The following GTF3C4 variants were observed in gnomAD, a reference collection of about 807,000 sequenced individuals.
GTF3C4 encodes the protein general transcription factor IIIC subunit 4.
Under a neutral mutation model 67.5 loss-of-function variants are expected in GTF3C4, and 28 were observed. The ratio of observed to expected loss-of-function variants is 0.41; its 90% confidence interval spans 0.31 to 0.57. GTF3C4 has a LOEUF of 0.57. GTF3C4 is among the 20% of genes least tolerant of loss of function. GTF3C4 has a pLI of 0.21. For missense variants in GTF3C4, 831 were observed against 1,033.2 expected (o/e 0.80, Z 2.68); for synonymous variants, 409 against 393.0 (o/e 1.04, Z -0.48).
At chr9:132,683,232 C>T (rs1835975526) in intron 2 of GTF3C4, among the ~76,000 whole-genome samples, 1 of 152,130 alleles carries the variant, frequency 6.6e-6, no homozygotes, top group South Asian at 2.1e-4. Flanking sequence ...ACTCTGAAAT[C>T]CTTGTTTCAG....
At chr9:132,680,487 C>T (rs1199048630) in intron 2 of GTF3C4, among the ~76,000 whole-genome samples, 1 of 152,210 alleles carries the variant, frequency 6.6e-6, no homozygotes, top group East Asian at 1.9e-4. Flanking sequence ...ATCTTTCTTG[C>T]AGCTAACAGT....
intron 1 of GTF3C4, among the ~76,000 whole-genome samples, chr9:132,673,494 G>A (rs1451465672): frequency 6.6e-6 from 1 of 151,554 alleles, no homozygotes; most frequent in African/African-American, 2.4e-5. Flanking sequence ...GTGAATGAAT[G>A]CTGAGTTGAC....
rs922054325 is a variant in GTF3C4 at position 132,689,284 on chromosome 9, A to G, written c.*339A>G. The G allele has an allele frequency of 1.8e-5, 5 of 284,608 alleles. No individual in the cohort carries two copies. Among genetic ancestry groups the G allele is most frequent in the Non-Finnish European group, 3.5e-5 (5 of 142,896 alleles). 17.6% of individuals were successfully genotyped at this position (284,608 alleles called of 1,614,324 possible). Reference sequence around the variant, plus strand: ...GTGTCCCGTCATTTCTAGAAACAGAATGGTCTCTTCTAGAGAGCTTGGATA... The same window carrying G: ...GTGTCCCGTCATTTCTAGAAACAGAGTGGTCTCTTCTAGAGAGCTTGGATA... On this transcript the variant is annotated 3_prime_UTR_variant, in exon 5 of 5. Transcript: ENST00000372146.
At chr9:132,687,144 GT>G in intron 3 of GTF3C4, 94 bp from the exon 4 acceptor site, 2 of 785,806 alleles carry the variant, frequency 2.5e-6, no homozygotes, top group South Asian at 2.8e-5. Flanking sequence ...TTAATGTGTG[GT>G]TTTATGATAA....
chr9:132,680,619 T>A (rs1259581072), intron 2 of GTF3C4, among the ~76,000 whole-genome samples: 1 of 152,242 alleles, frequency 6.6e-6, no homozygotes, highest in African/African-American at 2.4e-5. Context: ...AAGTCTTATT[T>A]AAAGTATTAA....
At chr9:132,677,878 G>A in intron 1 of GTF3C4, 99 bp from the exon 2 acceptor site, 2 of 930,492 alleles carry the variant, frequency 2.1e-6, no homozygotes, top group Admixed American at 2.3e-5. Flanking sequence ...AAGAATATGG[G>A]AACCAGGCTA....
rs1283975422 is a variant in GTF3C4 at position 132,678,565 on chromosome 9, T to G, written c.946T>G (p.Leu316Val). The change falls in exon 2 of 5, where the codon TTG (leucine) becomes GTG (valine). Residue 316 changes from leucine (L) to valine (V), a missense_variant. Physicochemically the swap from Leu to Val is conservative, Grantham distance 32. Coordinates refer to ENST00000372146, the MANE Select transcript of GTF3C4 (RefSeq NM_012204.4). The surrounding 1 kb of genome is among the most constrained non-coding windows in gnomAD (Gnocchi z 6.5). ...IESGITSPSV[L>V]FWWEYEHNNR... ...GTCAGGAATCACCTCTCCCAGTGTA[T>G]TGTTTTGGTGGGAATATGAGCACAA... 6.2e-7 allele frequency: 1 copy of G among 1,614,160 alleles called. No individual in the cohort carries two copies. Among genetic ancestry groups the G allele is most frequent in the Non-Finnish European group, 8.5e-7 (1 of 1,179,992 alleles).
At position 132,678,515 on chromosome 9, in the gene GTF3C4, C is replaced by T; in HGVS notation, c.896C>T (p.Ser299Phe). 1.2e-6 allele frequency: 2 copies of T among 1,614,052 alleles called. No individual in the cohort carries two copies. Among genetic ancestry groups the T allele is most frequent in the South Asian group, 2.2e-5 (2 of 91,076 alleles). ...QFQLPFVGKE[S>F]ISSCNTIESG... Reference sequence around the variant, plus strand: ...CAGCTGCCGTTTGTAGGAAAAGAATCCATCTCTTCATGCAACACAATTGAG... The same window carrying T: ...CAGCTGCCGTTTGTAGGAAAAGAATTCATCTCTTCATGCAACACAATTGAG... The change falls in exon 2 of 5, where the codon TCC (serine) becomes TTC (phenylalanine). Residue 299 changes from serine (S) to phenylalanine (F), a missense_variant. Ser to Phe is a radical substitution (Grantham distance 155). Transcript: ENST00000372146. This position sits in a 1 kb window ranked among gnomAD's most constrained non-coding sequence, Gnocchi z 6.5.
In GTF3C4 at chr9:132,679,174, G is replaced by GA; in HGVS notation, c.1557dup (p.Glu520ArgfsTer16). On this transcript the variant is annotated frameshift_variant, in exon 2 of 5. Coordinates refer to ENST00000372146, the MANE Select transcript of GTF3C4 (RefSeq NM_012204.4). LOFTEE classifies it high-confidence loss of function. This position sits in a 1 kb window ranked among gnomAD's most constrained non-coding sequence, Gnocchi z 5.9. ...CCAATTTGTTACTCTCAAAACCTTTGAAGAGGCAGCTGCTCAGCTCCTGGA... is the reference window on the plus strand; with the variant it reads ...CCAATTTGTTACTCTCAAAACCTTTGAAAGAGGCAGCTGCTCAGCTCCTGGA... The GA allele has an allele frequency of 6.2e-7, 1 of 1,614,148 alleles. No individual in the cohort carries two copies.
intron 1 of GTF3C4, among the ~76,000 whole-genome samples, chr9:132,674,794 C>T (rs1590132497): frequency 1.3e-5 from 2 of 152,340 alleles, no homozygotes; most frequent in East Asian, 3.9e-4. Context: ...CTTTGGAAGG[C>T]CAAGGCCGGA....
rs746642964 is a variant in GTF3C4, at chr9:132,694,030, C to T, written c.*5085C>T. ...TTTTTGAAATAAACAGAACAGTCATCTAAAAACATAAGGTTTTGGAAAGGA... is the reference window on the plus strand; with the variant it reads ...TTTTTGAAATAAACAGAACAGTCATTTAAAAACATAAGGTTTTGGAAAGGA... On this transcript the variant is annotated 3_prime_UTR_variant, in exon 5 of 5. Coordinates refer to ENST00000372146, the MANE Select transcript of GTF3C4 (RefSeq NM_012204.4). The T allele has an allele frequency of 6.6e-6, 1 of 151,824 alleles. No homozygotes were observed. The highest frequency in any genetic ancestry group is 2.4e-5 in the African/African-American group (1 of 41,388). The allele number at this position is 151,824 out of a possible 1,614,324, so 9.4% of individuals were successfully genotyped here.
rs1564356112 is a variant in GTF3C4, at chr9:132,679,636, C to T, written c.2017C>T (p.Gln673Ter). 6.2e-7 allele frequency: 1 copy of T among 1,614,076 alleles called. No individual in the cohort carries two copies. Among genetic ancestry groups the T allele is most frequent in the African/African-American group, 1.3e-5 (1 of 74,988 alleles). ...AATGGAAGAGAAACTCCTGGAAATC[C>T]AAGGGAAAATCGAAGCTGTGGAGAT... The part of the protein sequence containing the change: ...EPMEEKLLEI[Q>*]GKIEAVEMHL... Residue 673 changes from glutamine to a stop codon, truncating the protein, a stop_gained, in exon 2 of 5, where the codon CAA (glutamine) becomes TAA (stop). Coordinates refer to ENST00000372146, the MANE Select transcript of GTF3C4 (RefSeq NM_012204.4). LOFTEE classifies it high-confidence loss of function. This position sits in a 1 kb window ranked among gnomAD's most constrained non-coding sequence, Gnocchi z 5.9.
intron 2 of GTF3C4, among the ~76,000 whole-genome samples, chr9:132,683,307 A>G (rs1835976385): frequency 6.6e-6 from 1 of 152,218 alleles, no homozygotes; most frequent in Admixed American, 6.5e-5. Flanking sequence ...CTTAGTGGTT[A>G]CAGTTTACCC....
intron 4 of GTF3C4, among the ~76,000 whole-genome samples, chr9:132,688,192 C>G (rs1353111205): frequency 1.3e-5 from 2 of 152,214 alleles, no homozygotes; most frequent in Non-Finnish European, 2.9e-5. Flanking sequence ...ATTATTGACT[C>G]ATGGCCTTTT....
intron 3 of GTF3C4, among the ~76,000 whole-genome samples, chr9:132,685,773 C>T (rs993829831): frequency 6.6e-6 from 1 of 152,162 alleles, no homozygotes; most frequent in Non-Finnish European, 1.5e-5. Flanking sequence ...TATTAATATG[C>T]CAGGCACAGT....
chr9:132,675,954 A>G (rs1248707847), intron 1 of GTF3C4, among the ~76,000 whole-genome samples: 1 of 121,198 alleles, frequency 8.3e-6, no homozygotes, highest in African/African-American at 3.3e-5. Flanking sequence ...GCTGGAGTGC[A>G]GTGGTGCCAT....
At chr9:132,672,854 C>G (rs1356082602) in intron 1 of GTF3C4, among the ~76,000 whole-genome samples, 1 of 152,108 alleles carries the variant, frequency 6.6e-6, no homozygotes, top group Non-Finnish European at 1.5e-5. Flanking sequence ...ATCACTTGGC[C>G]CAGTTCTTGG....
At position 132,686,985 on chromosome 9, in the gene GTF3C4, T is replaced by C. The variant is rs184636150; in HGVS notation, c.2316-254T>C. On this transcript the variant is annotated intron_variant, in intron 3 of 4. Transcript: ENST00000372146. ...GGTCAGGTGTGGACAGACTAAATTC[T>C]TTTCTGATGCTCAAACAGGAAAACT... is the stretch of plus-strand genomic sequence containing the variant. Among the ~76,000 whole-genome samples, 41 of 152,354 alleles carry C rather than the reference T, an allele frequency of 2.7e-4. No homozygotes were observed. In the East Asian group the frequency reaches 7.9e-3, roughly 29 times the overall value.
Position 132,670,893 on chromosome 9 carries a change from G to A in GTF3C4, c.295G>A (p.Gly99Ser), listed in dbSNP as rs1243940632. The change falls in exon 1 of 5, where the codon GGC becomes AGC. Residue 99 changes from glycine (G) to serine (S), a missense_variant. Transcript: ENST00000372146. ...LELICDVHNPGQDLVIHRTSV... is the reference protein window; with the variant it reads ...LELICDVHNPSQDLVIHRTSV... ...GCTCATCTGCGACGTGCACAACCCGGGCCAGGACCTGGTTATCCACCGCAC... is the reference window on the plus strand; with the variant it reads ...GCTCATCTGCGACGTGCACAACCCGAGCCAGGACCTGGTTATCCACCGCAC... 6.2e-7 allele frequency: 1 copy of A among 1,612,488 alleles called. No individual in the cohort carries two copies. The highest frequency in any genetic ancestry group is 1.3e-5 in the African/African-American group (1 of 74,916).
Sources: allele counts gnomAD v4.1 joint callset (sites outside exome capture counted in the v4.1 genomes callset), GRCh38; gene constraint gnomAD v4.1.1; non-coding constraint Gnocchi (gnomAD v3.1); transcripts MANE v1.5; gene names NCBI Gene and HGNC (gene_info 2026-07-23, HGNC 2026-07-21).